The following AGBL4 variants were observed in gnomAD, a reference collection of about 807,000 sequenced individuals.
AGBL4 encodes AGBL carboxypeptidase 4.
In AGBL4, 58 loss-of-function variants were observed where a neutral mutation model predicts 66.4. The observed-to-expected ratio is 0.87, with a 90% CI of 0.71 to 1.09. The LOEUF (loss-of-function observed/expected upper bound fraction) is 1.09, where lower values mean the gene tolerates loss of function less well. AGBL4 is among the 50% of genes least tolerant of loss of function. The pLI, the probability that AGBL4 is intolerant of heterozygous loss-of-function variation, is 0.00. For missense variants in AGBL4, 579 were observed against 631.0 expected (o/e 0.92, Z 0.88); for synonymous variants, 234 against 222.9 (o/e 1.05, Z -0.44).
chr1:49,809,782 A>G (rs1645058058), intron 2 of AGBL4, among the ~76,000 whole-genome samples: 1 of 152,162 alleles, frequency 6.6e-6, no homozygotes, highest in African/African-American at 2.4e-5. Flanking sequence ...AACCAGACAA[A>G]ATGCTGTAAA....
In AGBL4 at chr1:49,742,714, A is replaced by G. The variant is rs532230819; in HGVS notation, c.158-45277T>C. 3.4e-4 allele frequency among the ~76,000 whole-genome samples: 52 copies of G among 152,348 alleles called. 1 individual carries two copies. In the South Asian group the frequency reaches 9.5e-3, roughly 28 times the overall value. On this transcript the variant is annotated intron_variant, in intron 2 of 13. Coordinates refer to ENST00000371839, the MANE Select transcript of AGBL4 (RefSeq NM_032785.4). The stretch of plus-strand genomic sequence containing the variant: ...GGTACCAAAACAGAGATACAGACCA[A>G]TGGAACAGAACAGAGCCCTCGGAAA...
intron 3 of AGBL4, among the ~76,000 whole-genome samples, chr1:49,574,791 A>G (rs1644402557): frequency 6.6e-6 from 1 of 152,032 alleles, no homozygotes; most frequent in Non-Finnish European, 1.5e-5. Context: ...GAATAGTCTG[A>G]CTTGTGTGGA....
At chr1:48,683,482 C>T (rs1474074058) in intron 6 of AGBL4, among the ~76,000 whole-genome samples, 2 of 152,290 alleles carry the variant, frequency 1.3e-5, no homozygotes, top group Middle Eastern at 3.4e-3. Context: ...CACAGTTGAC[C>T]TCTAGCTTCT....
chr1:48,850,076 C>G (rs563487885), intron 6 of AGBL4, among the ~76,000 whole-genome samples: 4 of 152,308 alleles, frequency 2.6e-5, no homozygotes, highest in East Asian at 1.9e-4. Flanking sequence ...CCCAGCAGCC[C>G]CTGTCTGGGC....
chr1:49,614,158 C>T (rs577863245), intron 3 of AGBL4, among the ~76,000 whole-genome samples: 151 of 152,124 alleles, frequency 9.9e-4, no homozygotes, highest in African/African-American at 3.5e-3. Context: ...TGTATATGTA[C>T]CCCTCATTTC....
chr1:48,851,465 C>T (rs1223326700), intron 6 of AGBL4, among the ~76,000 whole-genome samples: 3 of 152,160 alleles, frequency 2.0e-5, no homozygotes, highest in Non-Finnish European at 2.9e-5. Context: ...TGGAACCTGG[C>T]CTCTAAGACA....
At chr1:49,872,848 T>G (rs1445892110) in intron 1 of AGBL4, among the ~76,000 whole-genome samples, 2 of 152,048 alleles carry the variant, frequency 1.3e-5, no homozygotes, top group African/African-American at 4.8e-5. Flanking sequence ...GAAAATAAAC[T>G]ATAGTATGCC....
rs543226622 is a variant in AGBL4, at chr1:49,871,966, T to C, written c.35-20448A>G. Among the ~76,000 whole-genome samples, 119 of 152,216 alleles carry C rather than the reference T, an allele frequency of 7.8e-4. 1 individual carries two copies. Among genetic ancestry groups the C allele is most frequent in the African/African-American group, 2.7e-3 (113 of 41,572 alleles). On this transcript the variant is annotated intron_variant, in intron 1 of 13. Coordinates refer to ENST00000371839, the MANE Select transcript of AGBL4 (RefSeq NM_032785.4). ...AGGTTTCTGATAACTTTGGAGACTA[T>C]GCCATTGAAATAGAGAGAAAAACTT...
At chr1:49,086,024 C>T (rs1644901135) in intron 4 of AGBL4, among the ~76,000 whole-genome samples, 1 of 152,136 alleles carries the variant, frequency 6.6e-6, no homozygotes, top group Non-Finnish European at 1.5e-5. Flanking sequence ...TGCCAGCCTC[C>T]AGCCCCGTGG....
chr1:48,605,057 T>C (rs1226099815), intron 9 of AGBL4, among the ~76,000 whole-genome samples: 2 of 152,216 alleles, frequency 1.3e-5, no homozygotes, highest in Non-Finnish European at 2.9e-5. Context: ...TTGTTTATAG[T>C]CATTATCTCA....
chr1:49,260,765 T>A (rs1167938808), intron 3 of AGBL4, among the ~76,000 whole-genome samples: 1 of 151,986 alleles, frequency 6.6e-6, no homozygotes, highest in Non-Finnish European at 1.5e-5. Flanking sequence ...CTGAAACTAC[T>A]CCAATCAATA....
chr1:48,899,395 T>C (rs1651865694), intron 5 of AGBL4, among the ~76,000 whole-genome samples: 1 of 150,396 alleles, frequency 6.6e-6, no homozygotes, highest in Non-Finnish European at 1.5e-5. Context: ...AAAGGAAAAA[T>C]GAAATTCTCA....
In AGBL4 at chr1:49,372,605, CTT is replaced by C. The variant is rs747942818; in HGVS notation, c.283-126743_283-126742del. 9.7e-3 allele frequency among the ~76,000 whole-genome samples: 1,370 copies of C among 141,522 alleles called. 14 individuals carry two copies. The highest frequency in any genetic ancestry group is 0.016 in the Non-Finnish European group (1,012 of 64,050). 92.8% of individuals were successfully genotyped at this position (141,522 alleles called of 152,430 possible). A position where few individuals can be genotyped will look rare whatever the true frequency, so the allele number is the denominator to read the frequency against. On this transcript the variant is annotated intron_variant, in intron 3 of 13. Coordinates refer to ENST00000371839, the MANE Select transcript of AGBL4 (RefSeq NM_032785.4). ...ATCTTTCTTTCTTTCTTTTCTTTTT[CTT>C]TTTCTTTCTTTCTTTCTTTCTTTCT...
chr1:49,584,487 T>A (rs1191389871), intron 3 of AGBL4, among the ~76,000 whole-genome samples: 3 of 149,560 alleles, frequency 2.0e-5, no homozygotes, highest in African/African-American at 7.3e-5. Flanking sequence ...AAGCAGTGAC[T>A]TGTTTCATAG....
intron 5 of AGBL4, among the ~76,000 whole-genome samples, chr1:48,889,406 G>T (rs1432496768): frequency 6.6e-6 from 1 of 152,108 alleles, no homozygotes; most frequent in African/African-American, 2.4e-5. Flanking sequence ...GGAAGGGAGG[G>T]GTATAGACAG....
intron 3 of AGBL4, among the ~76,000 whole-genome samples, chr1:49,484,140 CTGTT>C (rs1408217510): frequency 4.6e-5 from 7 of 151,988 alleles, no homozygotes; most frequent in African/African-American, 1.2e-4. Flanking sequence ...CCCTCATACA[CTGTT>C]TGTGGGAATG....
At chr1:49,496,975 T>C (rs1319995481) in intron 3 of AGBL4, among the ~76,000 whole-genome samples, 4 of 152,060 alleles carry the variant, frequency 2.6e-5, no homozygotes, top group African/African-American at 9.7e-5. Context: ...CATACTATCA[T>C]ACATTCCCAC....
chr1:50,021,822 C>T (rs1662464941), intron 1 of AGBL4, among the ~76,000 whole-genome samples: 1 of 152,124 alleles, frequency 6.6e-6, no homozygotes, highest in Admixed American at 6.6e-5. Flanking sequence ...TGGCATGCTC[C>T]CACTTAAAAG....
intron 6 of AGBL4, among the ~76,000 whole-genome samples, chr1:48,698,744 G>A (rs1029394554): frequency 6.6e-6 from 1 of 152,244 alleles, no homozygotes; most frequent in Non-Finnish European, 1.5e-5. Context: ...CATTGGGACA[G>A]GTACGTTACA....
Sources: allele counts gnomAD v4.1 joint callset (sites outside exome capture counted in the v4.1 genomes callset), GRCh38; gene constraint gnomAD v4.1.1; transcripts MANE v1.5; gene names NCBI Gene and HGNC (gene_info 2026-07-23, HGNC 2026-07-21).